ARMC9: variants seen among roughly 807,000 people sequenced by gnomAD.
The protein encoded by ARMC9 is lisH domain-containing protein ARMC9.
A neutral mutation model predicts 107.0 loss-of-function variants in ARMC9; 94 were observed. The ratio of observed to expected loss-of-function variants is 0.88; its 90% confidence interval spans 0.74 to 1.04. The LOEUF (loss-of-function observed/expected upper bound fraction) is 1.04, where lower values mean the gene tolerates loss of function less well. Ranked by LOEUF, ARMC9 falls within the 50% of genes least tolerant of loss-of-function variation. ARMC9 has a pLI of 0.00. For synonymous variants in ARMC9, 380 were observed against 396.9 expected, an observed-to-expected ratio of 0.96 and a Z score of 0.51; for missense variants, 942 against 1,030.1, an observed-to-expected ratio of 0.91 and a Z score of 1.17.
chr2:231,282,047 C>T lies in ARMC9; in HGVS notation c.1552-12C>T. 1 of 1,613,146 alleles carries T rather than the reference C, an allele frequency of 6.2e-7. No individual in the cohort carries two copies. The highest frequency in any genetic ancestry group is 1.1e-5 in the South Asian group (1 of 91,016). On this transcript the variant is annotated splice_polypyrimidine_tract_variant and intron_variant, in intron 16 of 24. Coordinates refer to ENST00000611582, the MANE Select transcript of ARMC9 (RefSeq NM_001352754.2). ...AACTTGCAAATAACTGGTTTTTTTC[C>T]TCCCCTTAAAGATACAGCCGTATGT...
rs921032388 is a variant in ARMC9, at chr2:231,370,112, A to G, written c.2421A>G (p.Thr807=). Residue 807 remains threonine (T), a synonymous_variant, in exon 24 of 25, where the codon ACA becomes ACG. Transcript: ENST00000611582. ...ASRPGSTASS[T]RGLPSSQSHR... The stretch of plus-strand genomic sequence containing the variant: ...GCCCCGGCTCCACAGCGTCCTCCAC[A>G]AGGGGCCTGCCGAGTAAGTCAGCCT... The G allele has an allele frequency of 6.5e-7, 1 of 1,529,394 alleles. No individual in the cohort carries two copies. The highest frequency in any genetic ancestry group is 8.8e-7 in the Non-Finnish European group (1 of 1,142,704). The allele number at this position is 1,529,394 out of a possible 1,614,324, so 94.7% of individuals were successfully genotyped here.
At chr2:231,310,598 G>A (rs1427714476) in intron 19 of ARMC9, among the ~76,000 whole-genome samples, 2 of 151,978 alleles carry the variant, frequency 1.3e-5, no homozygotes, top group African/African-American at 2.4e-5. Flanking sequence ...AGGTGTGGTG[G>A]TGCATGCCTG....
At chr2:231,213,264 G>A (rs1431588454) in intron 3 of ARMC9, among the ~76,000 whole-genome samples, 1 of 150,910 alleles carries the variant, frequency 6.6e-6, no homozygotes, top group Non-Finnish European at 1.5e-5. Flanking sequence ...CCAAGGCTCA[G>A]ATGGTCCTCC....
rs530820974 is a variant in ARMC9 at position 231,278,400 on chromosome 2, A to G, written c.1493A>G (p.Lys498Arg). 13 of 1,614,172 alleles carry G rather than the reference A, an allele frequency of 8.1e-6. No homozygotes were observed. In the African/African-American group the frequency reaches 1.7e-4, roughly 22 times the overall value. Reference protein sequence around the residue: ...LRSTGKNMCAKVAGLVLKVLS... With the variant: ...LRSTGKNMCARVAGLVLKVLS... ...CCCATAGGGAAGAACATGTGTGCCA[A>G]GGTGGCAGGCCTCGTGCTCAAAGTC... Residue 498 changes from lysine (K) to arginine (R), a missense_variant, in exon 16 of 25, where the codon AAG becomes AGG. Lys to Arg is a conservative substitution (Grantham distance 26). Coordinates refer to ENST00000611582, the MANE Select transcript of ARMC9 (RefSeq NM_001352754.2).
At chr2:231,308,220 G>A (rs2125506524) in intron 19 of ARMC9, among the ~76,000 whole-genome samples, 1 of 152,362 alleles carries the variant, frequency 6.6e-6, no homozygotes, top group South Asian at 2.1e-4. Flanking sequence ...TCCGTGTGCA[G>A]GCATGGGCCA....
chr2:231,211,744 A>C (rs1319075046), intron 3 of ARMC9, among the ~76,000 whole-genome samples: 1 of 152,168 alleles, frequency 6.6e-6, no homozygotes, highest in Non-Finnish European at 1.5e-5. Context: ...CAGTTTCTCT[A>C]CATCCTTGCC....
intron 19 of ARMC9, among the ~76,000 whole-genome samples, chr2:231,307,545 GGGAAT>G (rs1210013128): frequency 2.0e-5 from 3 of 152,212 alleles, no homozygotes; most frequent in African/African-American, 7.2e-5. Context: ...TCAGCGTAGA[GGGAAT>G]GGAAGACATG....
chr2:231,236,030 T>A (rs111852188), intron 8 of ARMC9, among the ~76,000 whole-genome samples: 3,533 of 152,244 alleles, frequency 0.023, 153 homozygotes, highest in African/African-American at 0.082. Flanking sequence ...CAAGTGATCC[T>A]CCCACCTTGG....
chr2:231,231,144 G>A (rs529189427), intron 7 of ARMC9, among the ~76,000 whole-genome samples: 2 of 152,156 alleles, frequency 1.3e-5, no homozygotes, highest in South Asian at 4.1e-4. Flanking sequence ...CCTTTGTGCA[G>A]TCCGGAGGGA....
intron 10 of ARMC9, among the ~76,000 whole-genome samples, chr2:231,257,911 G>A (rs1274260781): frequency 6.6e-6 from 1 of 152,114 alleles, no homozygotes; most frequent in African/African-American, 2.4e-5. Flanking sequence ...AACAAAACGT[G>A]AAGACGCTTG....
chr2:231,332,398 C>T (rs2043802654), intron 20 of ARMC9, among the ~76,000 whole-genome samples: 1 of 152,046 alleles, frequency 6.6e-6, no homozygotes, highest in African/African-American at 2.4e-5. Flanking sequence ...CCGAGAAGGC[C>T]AGAAAGTGAG....
At chr2:231,315,087 A>C (rs935782624) in intron 19 of ARMC9, among the ~76,000 whole-genome samples, 2 of 151,736 alleles carry the variant, frequency 1.3e-5, no homozygotes, top group African/African-American at 4.8e-5. Context: ...AAACATACGA[A>C]AATTAGCCGG....
At chr2:231,275,207 T>G (rs2039655705) in intron 14 of ARMC9, among the ~76,000 whole-genome samples, 1 of 152,216 alleles carries the variant, frequency 6.6e-6, no homozygotes, top group Admixed American at 6.5e-5. Context: ...TTCACTGTAT[T>G]CTAATAAGCC....
intron 2 of ARMC9, among the ~76,000 whole-genome samples, chr2:231,206,826 G>T (rs1034429570): frequency 6.6e-6 from 1 of 152,300 alleles, no homozygotes; most frequent in East Asian, 1.9e-4. Flanking sequence ...TAGGGCCCAG[G>T]CCTTAAACTT....
chr2:231,355,087 C>A (rs994035209), intron 21 of ARMC9, among the ~76,000 whole-genome samples: 1 of 152,172 alleles, frequency 6.6e-6, no homozygotes, highest in African/African-American at 2.4e-5. Context: ...ACCTGTAATC[C>A]CAGCACTTTG....
intron 6 of ARMC9, among the ~76,000 whole-genome samples, chr2:231,226,539 C>T (rs2034661482): frequency 6.6e-6 from 1 of 152,102 alleles, no homozygotes; most frequent in Non-Finnish European, 1.5e-5. Flanking sequence ...TGAATTCAGA[C>T]AGTGATAATT....
chr2:231,361,324 G>A lies in ARMC9; in HGVS notation c.2261+441G>A, dbSNP rs1438961054. 2.6e-5 allele frequency among the ~76,000 whole-genome samples: 4 copies of A among 151,914 alleles called. No individual in the cohort carries two copies. In the South Asian group the frequency reaches 8.3e-4, roughly 32 times the overall value. On this transcript the variant is annotated intron_variant, in intron 23 of 24. Transcript: ENST00000611582. The stretch of plus-strand genomic sequence containing the variant: ...AACAGAAACTGGGCCTCCAGGCTGG[G>A]GCGTGGTGGCGCACGCCTGTAATCC...
chr2:231,234,566 T>C (rs1390986031), intron 7 of ARMC9, among the ~76,000 whole-genome samples: 1 of 152,212 alleles, frequency 6.6e-6, no homozygotes, highest in Non-Finnish European at 1.5e-5. Flanking sequence ...ACAGGTTTGA[T>C]TCAGGCATTT....
At position 231,206,180 on chromosome 2, in the gene ARMC9, T is replaced by C; in HGVS notation, c.-41-18T>C. 1 of 1,454,246 alleles carries C rather than the reference T, an allele frequency of 6.9e-7. No homozygotes were observed. Among genetic ancestry groups the C allele is most frequent in the Non-Finnish European group, 9.7e-7 (1 of 1,034,870 alleles). 90.1% of individuals were successfully genotyped at this position (1,454,246 alleles called of 1,614,324 possible). A position where few individuals can be genotyped will look rare whatever the true frequency, so the allele number is the denominator to read the frequency against. ...GTGGTTGAAATGAAAGCTGTTGTCT[T>C]GTATTTTTGCCTTCTAGAGATTTTT... is the stretch of plus-strand genomic sequence containing the variant. On this transcript the variant is annotated intron_variant, in intron 1 of 24. Coordinates refer to ENST00000611582, the MANE Select transcript of ARMC9 (RefSeq NM_001352754.2).
Sources: allele counts gnomAD v4.1 joint callset (sites outside exome capture counted in the v4.1 genomes callset), GRCh38; gene constraint gnomAD v4.1.1; transcripts MANE v1.5; gene names NCBI Gene and HGNC (gene_info 2026-07-23, HGNC 2026-07-21).